Variants in LINGO2 observed in about 807,000 individuals in gnomAD.
LINGO2 encodes leucine-rich repeat and immunoglobulin-like domain-containing nogo receptor-interacting protein 2.
A neutral mutation model predicts 30.6 loss-of-function variants in LINGO2; 14 were observed. The ratio of observed to expected loss-of-function variants is 0.46; its 90% CI spans 0.30 to 0.72. The LOEUF (loss-of-function observed/expected upper bound fraction) is 0.72. LINGO2 is among the 30% of genes least tolerant of loss of function. The probability of loss-of-function intolerance (pLI) is 0.07; values close to 1 mark genes in which losing one functional copy is unlikely to be tolerated. For missense variants in LINGO2, 729 were observed against 751.7 expected (o/e 0.97, Z 0.35); for synonymous variants, 317 against 288.5 (o/e 1.10, Z -1.00).
rs1820027551 is a variant in LINGO2 at position 27,964,996 on chromosome 9, CA to C, written c.-35-14291del. ...GAAATGCAGAGCAATCCCAATACAGCAGCAACTTTCTTTACTCTCCCACAAG... is the reference window on the plus strand; with the variant it reads ...GAAATGCAGAGCAATCCCAATACAGCGCAACTTTCTTTACTCTCCCACAAG... On this transcript the variant is annotated intron_variant, in intron 5 of 5. Transcript: ENST00000379992. 2.0e-5 allele frequency among the ~76,000 whole-genome samples: 3 copies of C among 152,194 alleles called. No individual in the cohort carries two copies. In the South Asian group the frequency reaches 6.2e-4, roughly 32 times the overall value.
the LINGO2 span, among the ~76,000 whole-genome samples, chr9:29,189,243 C>T: frequency 2.0e-5 from 3 of 150,590 alleles, no homozygotes; most frequent in African/African-American, 2.4e-5. Context: ...CCCTCACCTC[C>T]CGGACGGGGC....
chr9:28,817,892 T>C, the LINGO2 span, among the ~76,000 whole-genome samples: 1 of 152,240 alleles, frequency 6.6e-6, no homozygotes, highest in Non-Finnish European at 1.5e-5. Flanking sequence ...AAGTTGACTG[T>C]TGATCTCTTT....
intron 1 of LINGO2, among the ~76,000 whole-genome samples, chr9:28,635,487 G>C (rs1159653273): frequency 6.6e-6 from 1 of 152,064 alleles, no homozygotes; most frequent in Non-Finnish European, 1.5e-5. Context: ...CAGAGAACAG[G>C]GGGAAACAGG....
the LINGO2 span, among the ~76,000 whole-genome samples, chr9:28,908,896 G>C: frequency 6.6e-6 from 1 of 151,730 alleles, no homozygotes; most frequent in East Asian, 1.9e-4. Context: ...TGATGTATAT[G>C]ATTTTTGATA....
Position 28,206,833 on chromosome 9 carries a change from G to C in LINGO2, c.-87+88375C>G, listed in dbSNP as rs946286997. On this transcript the variant is annotated intron_variant, in intron 4 of 5. Transcript: ENST00000379992. ...AATCTTCAATTACTAGGTTATACTG[G>C]TTCAATGGCTTAATTATTTCTCCCA... 2.6e-5 allele frequency among the ~76,000 whole-genome samples: 4 copies of C among 152,138 alleles called. No homozygotes were observed. In the East Asian group the frequency reaches 5.8e-4, roughly 22 times the overall value.
At chr9:28,330,947 A>G (rs1353385507) in intron 3 of LINGO2, among the ~76,000 whole-genome samples, 1 of 152,176 alleles carries the variant, frequency 6.6e-6, no homozygotes, top group African/African-American at 2.4e-5. Flanking sequence ...CTGGTAGGAT[A>G]CTGTTGCTAT....
chr9:28,553,859 A>C (rs903642596), intron 1 of LINGO2, among the ~76,000 whole-genome samples: 1 of 152,110 alleles, frequency 6.6e-6, no homozygotes, highest in Admixed American at 6.6e-5. Flanking sequence ...TTCTTGAAGA[A>C]AAGAATTTTC....
chr9:28,035,942 A>T (rs778523540), intron 4 of LINGO2, among the ~76,000 whole-genome samples: 1 of 152,126 alleles, frequency 6.6e-6, no homozygotes, highest in Non-Finnish European at 1.5e-5. Flanking sequence ...CTGACTCATC[A>T]GGCAGTTGAC....
intron 3 of LINGO2, among the ~76,000 whole-genome samples, chr9:28,326,592 C>A (rs56899056): frequency 0.061 from 9,331 of 152,242 alleles, 343 homozygotes; most frequent in East Asian, 0.18. Context: ...ATGGTATGTT[C>A]CATGAGATTA....
At chr9:28,716,102 T>C in the LINGO2 span, among the ~76,000 whole-genome samples, 1 of 151,810 alleles carries the variant, frequency 6.6e-6, no homozygotes, top group African/African-American at 2.4e-5. Flanking sequence ...CCATCTCAAA[T>C]GGATATACCA....
At chr9:29,141,935 T>C in the LINGO2 span, among the ~76,000 whole-genome samples, 9 of 151,842 alleles carry the variant, frequency 5.9e-5, no homozygotes, top group Non-Finnish European at 1.0e-4. Flanking sequence ...AACTGAAGGA[T>C]GAAAAGATGA....
intron 3 of LINGO2, among the ~76,000 whole-genome samples, chr9:28,295,969 CTGTA>C (rs1403981748): frequency 6.6e-6 from 1 of 152,096 alleles, no homozygotes; most frequent in Non-Finnish European, 1.5e-5. Flanking sequence ...AACATACAGA[CTGTA>C]TGACAGTAAG....
the LINGO2 span, among the ~76,000 whole-genome samples, chr9:29,000,595 T>C: frequency 6.6e-6 from 1 of 151,968 alleles, no homozygotes; most frequent in Non-Finnish European, 1.5e-5. Flanking sequence ...TCTTACATTC[T>C]GAAATACCTT....
chr9:27,938,666 C>T, the LINGO2 span: 2 of 152,148 alleles, frequency 1.3e-5, no homozygotes, highest in African/African-American at 4.8e-5. Flanking sequence ...CTCTAAACCA[C>T]ATGATTTAGA....
At chr9:28,852,183 C>G in the LINGO2 span, among the ~76,000 whole-genome samples, 1 of 151,930 alleles carries the variant, frequency 6.6e-6, no homozygotes, top group African/African-American at 2.4e-5. Flanking sequence ...TGAAAATGAA[C>G]TGACCCAGTC....
At chr9:28,847,114 C>T in the LINGO2 span, among the ~76,000 whole-genome samples, 2 of 147,960 alleles carry the variant, frequency 1.4e-5, no homozygotes, top group African/African-American at 5.1e-5. Context: ...CTATAATTCT[C>T]TCAATCAGAG....
At chr9:29,071,544 TTAAG>T in the LINGO2 span, among the ~76,000 whole-genome samples, 1 of 144,880 alleles carries the variant, frequency 6.9e-6, no homozygotes, top group Admixed American at 6.9e-5. Context: ...CACACACCTA[TTAAG>T]TAAGCAGAAT....
intron 1 of LINGO2, among the ~76,000 whole-genome samples, chr9:28,476,332 G>C (rs1825725541): frequency 6.6e-6 from 1 of 152,138 alleles, no homozygotes; most frequent in Non-Finnish European, 1.5e-5. Flanking sequence ...CTGGAGTGCA[G>C]TGACACAATG....
At chr9:28,651,048 G>A (rs60962571) in intron 1 of LINGO2, among the ~76,000 whole-genome samples, 167 of 151,970 alleles carry the variant, frequency 1.1e-3, no homozygotes, top group African/African-American at 3.6e-3. Flanking sequence ...AAAATTAGCC[G>A]GGCATGGTGG....
Sources: allele counts gnomAD v4.1 joint callset (sites outside exome capture counted in the v4.1 genomes callset), GRCh38; gene constraint gnomAD v4.1.1; transcripts MANE v1.5; gene names NCBI Gene and HGNC (gene_info 2026-07-23, HGNC 2026-07-21).